Variants in ZNF649 observed in about 807,000 individuals in gnomAD.
ZNF649 encodes the protein zinc finger protein 649.
Under a neutral mutation model 14.1 loss-of-function variants are expected in ZNF649, and 7 were observed. That is an observed-to-expected ratio of 0.49 (90% confidence interval 0.28 to 0.93). ZNF649 has a LOEUF of 0.93. Among genes scored for constraint, ZNF649 ranks in the 40% least tolerant of loss-of-function variants. The pLI, the probability that ZNF649 is intolerant of heterozygous loss-of-function variation, is 0.10. For missense variants in ZNF649, 544 were observed against 608.1 expected (o/e 0.89, Z 1.11); for synonymous variants, 227 against 212.3 (o/e 1.07, Z -0.60).
chr19:51,904,448 G>C (rs1389475932), intron 1 of ZNF649, among the ~76,000 whole-genome samples: 1 of 152,038 alleles, frequency 6.6e-6, no homozygotes, highest in Admixed American at 6.5e-5. Flanking sequence ...AGGGGCCTGG[G>C]CTTGTAAAAT....
Position 51,889,950 on chromosome 19 carries a change from A to G in ZNF649, c.*668T>C, listed in dbSNP as rs1021104996. 2 of 152,252 alleles carry G rather than the reference A, an allele frequency of 1.3e-5. No homozygotes were observed. The highest frequency in any genetic ancestry group is 4.8e-5 in the African/African-American group (2 of 41,472). 9.4% of individuals were successfully genotyped at this position (152,252 alleles called of 1,614,324 possible). ...AAAAGACAGAGATTGTTAACTGGAT[A>G]AAAAAGGAAGGCCCAACTGTATGTT... On this transcript the variant is annotated 3_prime_UTR_variant, in exon 5 of 5. Transcript: ENST00000354957.
chr19:51,894,784 T>C (rs2085048532), intron 4 of ZNF649, among the ~76,000 whole-genome samples: 1 of 152,138 alleles, frequency 6.6e-6, no homozygotes, highest in Non-Finnish European at 1.5e-5. Flanking sequence ...CTAAATTCAG[T>C]CTCTTCTACT....
At chr19:51,896,626 T>C (rs561221568) in intron 3 of ZNF649, 59 bp from the exon 4 acceptor site, 89 of 1,575,748 alleles carry the variant, frequency 5.6e-5, no homozygotes, top group Non-Finnish European at 7.0e-5. Flanking sequence ...GTGGCTCTGA[T>C]GATAGGAGAA....
At position 51,900,188 on chromosome 19, in the gene ZNF649, A is replaced by G. The variant is rs1194677208; in HGVS notation, c.-81T>C. ...CTGGATCCTCCCTAAATTTTGGCTA[A>G]GAAATCTGAGTCTCCATTTAAGAGT... On this transcript the variant is annotated 5_prime_UTR_variant, in exon 2 of 5. Coordinates refer to ENST00000354957, the MANE Select transcript of ZNF649 (RefSeq NM_023074.4). 3 of 1,217,866 alleles carry G rather than the reference A, an allele frequency of 2.5e-6. No individual in the cohort carries two copies. The highest frequency in any genetic ancestry group is 3.3e-6 in the Non-Finnish European group (3 of 904,646). 75.4% of individuals were successfully genotyped at this position (1,217,866 alleles called of 1,614,324 possible). A position where few individuals can be genotyped will look rare whatever the true frequency, so the allele number is the denominator to read the frequency against.
chr19:51,891,463 C>T lies in ZNF649; in HGVS notation c.673G>A (p.Glu225Lys), dbSNP rs546466831. Residue 225 changes from glutamate (E) to lysine (K), a missense_variant, in exon 5 of 5, where the codon GAG becomes AAG. Coordinates refer to ENST00000354957, the MANE Select transcript of ZNF649 (RefSeq NM_023074.4). This position sits in a 1 kb window ranked among gnomAD's most constrained non-coding sequence, Gnocchi z 4.2. ...GGTTTCTCTCCTCTGTGAGCTCTCT[C>T]GTGTTCAGTGAGCCTGTACTTCTTG... The part of the protein sequence containing the change: ...FYKKYRLTEH[E>K]RAHRGEKPHG... 1.3e-5 allele frequency: 21 copies of T among 1,613,780 alleles called. No homozygotes were observed. Among genetic ancestry groups the T allele is most frequent in the East Asian group, 6.7e-5 (3 of 44,884 alleles).
At position 51,896,577 on chromosome 19, in the gene ZNF649, G is replaced by A; in HGVS notation, c.143-10C>T. ...TTGCCGGCTTGATACCCTGTTTGTG[G>A]GAAATGGGAGAAGACTTAGGCTCAC... On this transcript the variant is annotated splice_polypyrimidine_tract_variant and intron_variant, in intron 3 of 4. Transcript: ENST00000354957. The A allele has an allele frequency of 6.2e-7, 1 of 1,613,856 alleles. No homozygotes were observed. The highest frequency in any genetic ancestry group is 8.5e-7 in the Non-Finnish European group (1 of 1,179,756).
intron 4 of ZNF649, among the ~76,000 whole-genome samples, chr19:51,893,423 T>C (rs531243367): frequency 3.3e-5 from 5 of 152,208 alleles, no homozygotes; most frequent in Non-Finnish European, 7.3e-5. Flanking sequence ...GTGTGTTTTT[T>C]CCACTTCCTC....
chr19:51,890,727 C>T lies in ZNF649; in HGVS notation c.1409G>A (p.Ser470Asn). Residue 470 changes from serine to asparagine, a missense_variant, in exon 5 of 5, where the codon AGT (serine) becomes AAT (asparagine). Coordinates refer to ENST00000354957, the MANE Select transcript of ZNF649 (RefSeq NM_023074.4). The part of the protein sequence containing the change: ...SVKVENPSTA[S>N]HSLSPSEHVQ... ...ATGTTCACTAGGACTTAAGCTGTGA[C>T]TTGCTGTGGAAGGATTTTCCACCTT... 1 of 1,614,226 alleles carries T rather than the reference C, an allele frequency of 6.2e-7. No individual in the cohort carries two copies. The highest frequency in any genetic ancestry group is 8.5e-7 in the Non-Finnish European group (1 of 1,180,042).
chr19:51,900,022 G>A (rs1277929599), intron 2 of ZNF649, 71 bp downstream of exon 2: 1 of 1,357,708 alleles, frequency 7.4e-7, no homozygotes, highest in Non-Finnish European at 9.8e-7. Flanking sequence ...TAATGTAAAT[G>A]AACTGATTTC....
Position 51,896,465 on chromosome 19 carries a change from C to G in ZNF649, c.238+7G>C. 6.2e-7 allele frequency: 1 copy of G among 1,613,628 alleles called. No homozygotes were observed. The highest frequency in any genetic ancestry group is 8.5e-7 in the Non-Finnish European group (1 of 1,179,598). On this transcript the variant is annotated splice_region_variant and intron_variant, in intron 4 of 4. Transcript: ENST00000354957. ...CCTTCCCCTCTTGCTGGTTCTCTCT[C>G]ACTTACCTGGGTGGGCTGGACTGTG...
chr19:51,895,225 G>A (rs566244002), intron 4 of ZNF649, among the ~76,000 whole-genome samples: 4 of 152,226 alleles, frequency 2.6e-5, no homozygotes, highest in South Asian at 4.1e-4. Context: ...TTATATTGTA[G>A]TGTATTAAAA....
chr19:51,897,089 T>C, intron 2 of ZNF649, 111 bp from the exon 3 acceptor site: 3 of 1,464,662 alleles, frequency 2.0e-6, no homozygotes, highest in Non-Finnish European at 2.8e-6. Flanking sequence ...AGTTGTCCCT[T>C]GGTATACTCA....
chr19:51,899,709 T>C (rs2085084400), intron 2 of ZNF649: 1 of 184,898 alleles, frequency 5.4e-6, no homozygotes, highest in South Asian at 2.0e-4. Flanking sequence ...CAAACTAATT[T>C]CCCAAGATTT....
chr19:51,901,682 G>A (rs577866382), intron 1 of ZNF649, among the ~76,000 whole-genome samples: 7 of 152,064 alleles, frequency 4.6e-5, no homozygotes, highest in Non-Finnish European at 7.4e-5. Context: ...AAGGCCGAGC[G>A]TGTTGGCTCA....
At chr19:51,904,563 C>A (rs1473075255) in intron 1 of ZNF649, among the ~76,000 whole-genome samples, 1 of 152,144 alleles carries the variant, frequency 6.6e-6, no homozygotes, top group Non-Finnish European at 1.5e-5. Context: ...CCCTCGTACG[C>A]TGCCCAGCAC....
At position 51,891,735 on chromosome 19, in the gene ZNF649, C is replaced by T. The variant is rs185293060; in HGVS notation, c.401G>A (p.Gly134Glu). Residue 134 changes from glycine to glutamate, a missense_variant, in exon 5 of 5, where the codon GGA (glycine) becomes GAA (glutamate). Transcript: ENST00000354957. This position sits in a 1 kb window ranked among gnomAD's most constrained non-coding sequence, Gnocchi z 4.2. ...ATTATCATGGAGAAAAGCTCCATCT[C>T]CATTAAACTCAGCAGGCTCCTTTCT... ...YNRKEPAEFN[G>E]DGAFLHDNHE... 9.9e-6 allele frequency: 16 copies of T among 1,613,534 alleles called. No individual in the cohort carries two copies. In the African/African-American group the frequency reaches 1.7e-4, roughly 17 times the overall value.
intron 1 of ZNF649, among the ~76,000 whole-genome samples, chr19:51,903,419 TCTCAA>T: frequency 6.6e-6 from 1 of 152,160 alleles, no homozygotes; most frequent in Admixed American, 6.5e-5. Flanking sequence ...TCACCAGCCA[TCTCAA>T]TGCCACACAA....
intron 4 of ZNF649, among the ~76,000 whole-genome samples, chr19:51,892,634 C>A (rs953961212): frequency 6.6e-6 from 1 of 152,198 alleles, no homozygotes; most frequent in African/African-American, 2.4e-5. Context: ...CCTTTGACTT[C>A]ATCCTAATCC....
chr19:51,892,056 A>G (rs2085027069), intron 4 of ZNF649, among the ~76,000 whole-genome samples, 159 bp from the exon 5 acceptor site: 1 of 152,158 alleles, frequency 6.6e-6, no homozygotes. Context: ...AAAAACTTTT[A>G]AGAATTGTAG....
Sources: gnomAD v4.1 joint callset for allele counts (sites outside exome capture counted in the v4.1 genomes callset) on GRCh38, gnomAD v4.1.1 for gene constraint, Gnocchi (gnomAD v3.1) non-coding constraint, MANE v1.5 for transcripts, NCBI Gene and HGNC (gene_info 2026-07-23, HGNC 2026-07-21) for gene names.